The following MRC2 variants were observed in gnomAD, a reference collection of about 807,000 sequenced individuals.
MRC2 encodes mannose receptor C-type 2.
MRC2 carries 84 observed loss-of-function variants against 206.2 expected under a neutral mutation model. The observed-to-expected ratio is 0.41, with a 90% confidence interval of 0.34 to 0.49. The LOEUF is 0.49. MRC2 is among the 20% of genes least tolerant of loss of function. The pLI is 0.31. For synonymous variants in MRC2, 798 were observed against 800.0 expected, an observed-to-expected ratio of 1.00 and a Z score of 0.04; for missense variants, 1,676 against 2,001.5, an observed-to-expected ratio of 0.84 and a Z score of 3.10.
chr17:62,681,007 C>G, intron 17 of MRC2, 47 bp downstream of exon 17: 1 of 1,612,052 alleles, frequency 6.2e-7, no homozygotes, highest in Non-Finnish European at 8.5e-7. Flanking sequence ...GGAGGGCAGG[C>G]CCGGGATGAG....
chr17:62,657,507 G>A (rs1232945891), intron 1 of MRC2, among the ~76,000 whole-genome samples: 1 of 152,230 alleles, frequency 6.6e-6, no homozygotes, highest in Non-Finnish European at 1.5e-5. Flanking sequence ...CCTACAAAAT[G>A]CAAGAAGTGG....
Position 62,692,418 on chromosome 17 carries a change from G to A in MRC2, c.4407G>A (p.Val1469=), listed in dbSNP as rs1416013491. 3 of 1,570,174 alleles carry A rather than the reference G, an allele frequency of 1.9e-6. No homozygotes were observed. Among genetic ancestry groups the A allele is most frequent in the Admixed American group, 1.9e-5 (1 of 52,704 alleles). The part of the protein sequence containing the change: ...PTEATEKNIL[V]SDMEMNEQQE ...AGGCCACTGAGAAGAACATCCTGGTGTCAGACATGGAAATGAATGAGCAAC... is the reference window on the plus strand; with the variant it reads ...AGGCCACTGAGAAGAACATCCTGGTATCAGACATGGAAATGAATGAGCAAC... The change falls in exon 30 of 30, where the codon GTG becomes GTA. Residue 1469 remains valine, a synonymous_variant. Transcript: ENST00000303375. The surrounding 1 kb of genome is among the most constrained non-coding windows in gnomAD (Gnocchi z 4.2).
intron 1 of MRC2, among the ~76,000 whole-genome samples, chr17:62,638,593 C>T (rs1402783307): frequency 2.0e-5 from 3 of 151,908 alleles, no homozygotes; most frequent in Non-Finnish European, 4.4e-5. Flanking sequence ...TAAAAATTAG[C>T]CAGGTGTGGC....
intron 1 of MRC2, among the ~76,000 whole-genome samples, chr17:62,628,934 C>T (rs1165803250): frequency 2.0e-5 from 3 of 152,282 alleles, no homozygotes; most frequent in African/African-American, 7.2e-5. Context: ...TGTGCAAGGA[C>T]CAGACAGCCC....
At chr17:62,689,492 C>A in intron 23 of MRC2, 30 bp from the exon 24 acceptor site, 1 of 1,430,816 alleles carries the variant, frequency 7.0e-7, no homozygotes, top group Non-Finnish European at 9.5e-7. Context: ...GAAGCAGAGC[C>A]CAGCCTGAAC....
intron 1 of MRC2, among the ~76,000 whole-genome samples, chr17:62,629,241 G>T (rs560570503): frequency 6.6e-6 from 1 of 152,200 alleles, no homozygotes; most frequent in African/African-American, 2.4e-5. Flanking sequence ...GGAGGCAGGC[G>T]GTGGGAAGGG....
rs2088753941 is a variant in MRC2, at chr17:62,666,303, G to A, written c.694+36G>A. ...TTGGAGCCGTGGGGGCGGGGGCAGTGTTCCTGGAGGGAGGCTGGTGCTGAG... is the reference window on the plus strand; with the variant it reads ...TTGGAGCCGTGGGGGCGGGGGCAGTATTCCTGGAGGGAGGCTGGTGCTGAG... On this transcript the variant is annotated intron_variant, in intron 3 of 29. Coordinates refer to ENST00000303375, the MANE Select transcript of MRC2 (RefSeq NM_006039.5). This position sits in a 1 kb window ranked among gnomAD's most constrained non-coding sequence, Gnocchi z 5.0. The A allele has an allele frequency of 1.3e-6, 2 of 1,556,128 alleles. No homozygotes were observed. Among genetic ancestry groups the A allele is most frequent in the Non-Finnish European group, 1.7e-6 (2 of 1,154,174 alleles).
chr17:62,689,072 T>A, intron 23 of MRC2, 112 bp downstream of exon 23: 1 of 861,388 alleles, frequency 1.2e-6, no homozygotes, highest in Non-Finnish European at 1.9e-6. Flanking sequence ...AGGGCTCTGC[T>A]TGGGAAGCAG....
chr17:62,669,123 CACAA>C (rs1291225919), intron 6 of MRC2, among the ~76,000 whole-genome samples: 4 of 144,836 alleles, frequency 2.8e-5, no homozygotes, highest in Non-Finnish European at 6.1e-5. Context: ...CACACACACA[CACAA>C]CACTAACTAC....
Position 62,652,897 on chromosome 17 carries a change from C to T in MRC2, c.119-11651C>T, listed in dbSNP as rs2088573742. On this transcript the variant is annotated intron_variant, in intron 1 of 29. Transcript: ENST00000303375. This position sits in a 1 kb window ranked among gnomAD's most constrained non-coding sequence, Gnocchi z 4.6. ...GAGGGGCGCTCCTTGGAGTTGGGGG[C>T]GCACGATGGCGGGGGCAGGGGTGCC... 6.9e-6 allele frequency among the ~76,000 whole-genome samples: 1 copy of T among 145,208 alleles called. No homozygotes were observed. Among genetic ancestry groups the T allele is most frequent in the Non-Finnish European group, 1.5e-5 (1 of 66,424 alleles).
chr17:62,677,570 G>C, intron 12 of MRC2, 84 bp downstream of exon 12: 1 of 1,251,322 alleles, frequency 8.0e-7, no homozygotes, highest in Non-Finnish European at 1.1e-6. Flanking sequence ...AGTGGGACCA[G>C]CCACAATCCA....
intron 18 of MRC2, chr17:62,681,554 T>G: frequency 2.1e-6 from 1 of 466,472 alleles, no homozygotes. Context: ...GGACTCAGAA[T>G]TTGAGCTTGT....
Position 62,627,897 on chromosome 17 carries a change from C to G in MRC2, c.95C>G (p.Ala32Gly). ...TGCCTGCACCTCGGCCGTCCCGGCGCCCCTGGGGACGCCGCCCTCCCGGGT... is the reference window on the plus strand; with the variant it reads ...TGCCTGCACCTCGGCCGTCCCGGCGGCCCTGGGGACGCCGCCCTCCCGGGT... ...LGCLHLGRPG[A>G]PGDAALPEPN... Residue 32 changes from alanine to glycine, a missense_variant, in exon 1 of 30, where the codon GCC becomes GGC. By Grantham distance (60) the Ala-to-Gly change is moderately conservative. Around this residue, in one of 3 missense-constraint regions of MRC2, gnomAD observed 318 missense variants for 346.7 expected, o/e 0.92. Transcript: ENST00000303375. The G allele has an allele frequency of 2.7e-6, 4 of 1,469,112 alleles. No homozygotes were observed. Among genetic ancestry groups the G allele is most frequent in the Non-Finnish European group, 3.6e-6 (4 of 1,116,922 alleles). 91.0% of individuals were successfully genotyped at this position (1,469,112 alleles called of 1,614,324 possible).
At chr17:62,682,010 G>A in intron 19 of MRC2, 73 bp downstream of exon 19, 1 of 1,347,130 alleles carries the variant, frequency 7.4e-7, no homozygotes, top group South Asian at 1.3e-5. Flanking sequence ...CTGGGCAGAA[G>A]TCATCAGTCT....
intron 1 of MRC2, among the ~76,000 whole-genome samples, chr17:62,645,330 A>C (rs929534059): frequency 1.3e-5 from 2 of 151,764 alleles, no homozygotes; most frequent in Admixed American, 6.6e-5. Flanking sequence ...AAGAGACAGG[A>C]TCACAGGAGC....
intron 1 of MRC2, among the ~76,000 whole-genome samples, chr17:62,629,677 C>A (rs558490678): frequency 6.6e-6 from 1 of 152,350 alleles, no homozygotes; most frequent in Non-Finnish European, 1.5e-5. Context: ...TTCCACTGGG[C>A]CCTACCCTGG....
chr17:62,690,892 C>T (rs1024765103), intron 27 of MRC2, 57 bp from the exon 28 acceptor site: 12 of 1,508,770 alleles, frequency 8.0e-6, no homozygotes, highest in South Asian at 1.3e-5. Flanking sequence ...ACCTGCTCTC[C>T]TCCACCTACT....
Position 62,677,377 on chromosome 17 carries a change from T to C in MRC2, c.1943T>C (p.Leu648Pro). ...GCCCGCTACATCTGCCGGCAGAGCC[T>C]GGGCACTCCAGTGACGCCGGAGCTG... ...FRARYICRQS[L>P]GTPVTPELPG... The change falls in exon 12 of 30, where the codon CTG becomes CCG. Residue 648 changes from leucine to proline, a missense_variant. Around this residue, in one of 3 missense-constraint regions of MRC2, gnomAD observed 1,354 missense variants for 1,636.6 expected, o/e 0.83. Transcript: ENST00000303375. 6.2e-7 allele frequency: 1 copy of C among 1,610,680 alleles called. No individual in the cohort carries two copies. The highest frequency in any genetic ancestry group is 1.1e-5 in the South Asian group (1 of 90,458).
chr17:62,664,598 G>T lies in MRC2; in HGVS notation c.169G>T (p.Ala57Ser). The T allele has an allele frequency of 6.2e-7, 1 of 1,613,500 alleles. No individual in the cohort carries two copies. The highest frequency in any genetic ancestry group is 1.1e-5 in the South Asian group (1 of 91,058). Residue 57 changes from alanine (A) to serine (S), a missense_variant, in exon 2 of 30, where the codon GCC becomes TCC. Physicochemically the swap from Ala to Ser is moderately conservative, Grantham distance 99. Coordinates refer to ENST00000303375, the MANE Select transcript of MRC2 (RefSeq NM_006039.5). The surrounding 1 kb of genome is among the most constrained non-coding windows in gnomAD (Gnocchi z 4.7). ...CCATGGACTGCAGGGCTGCCTGGAG[G>T]CCCAGGGCGGGCAGGTCAGAGTCAC... Reference protein sequence around the residue: ...FSHGLQGCLEAQGGQVRVTPA... With the variant: ...FSHGLQGCLESQGGQVRVTPA...
Sources: gnomAD v4.1 joint callset for allele counts (sites outside exome capture counted in the v4.1 genomes callset) on GRCh38, gnomAD v4.1.1 for gene constraint, gnomAD v4.1.1 regional missense constraint, Gnocchi (gnomAD v3.1) non-coding constraint, MANE v1.5 for transcripts, NCBI Gene and HGNC (gene_info 2026-07-23, HGNC 2026-07-21) for gene names.